Variants in HABP2 observed in about 807,000 individuals in gnomAD.
HABP2 encodes the protein factor VII-activating protease.
A neutral mutation model predicts 66.5 loss-of-function variants in HABP2; 65 were observed. That is an observed-to-expected ratio of 0.98 (90% confidence interval 0.80 to 1.20). HABP2 has a LOEUF of 1.20. Ranked by LOEUF, HABP2 falls within the 50% of genes most tolerant of loss-of-function variation. The pLI, the probability that HABP2 is intolerant of heterozygous loss-of-function variation, is 0.00. For synonymous variants in HABP2, 263 were observed against 253.9 expected, an observed-to-expected ratio of 1.04 and a Z score of -0.34; for missense variants, 786 against 691.0, an observed-to-expected ratio of 1.14 and a Z score of -1.54.
At chr10:113,561,338 C>A (rs571643641) in intron 1 of HABP2, among the ~76,000 whole-genome samples, 2 of 152,314 alleles carry the variant, frequency 1.3e-5, no homozygotes, top group East Asian at 3.9e-4. Context: ...TGGGCACTGG[C>A]AGCCACTGCC....
rs139113548 is a variant in HABP2, at chr10:113,581,431, A to G, written c.839-445A>G. Among the ~76,000 whole-genome samples, 18 of 152,252 alleles carry G rather than the reference A, an allele frequency of 1.2e-4. 2 individuals carry two copies. In the East Asian group the frequency reaches 3.3e-3, roughly 28 times the overall value. On this transcript the variant is annotated intron_variant, in intron 8 of 12. Transcript: ENST00000351270. ...TCTGTGCAAATGTCTTATCTCACCT[A>G]TTCTAGTTCATCTGAATATCCTCCC...
chr10:113,579,769 T>TG (rs966910205), intron 7 of HABP2, among the ~76,000 whole-genome samples: 1 of 151,972 alleles, frequency 6.6e-6, no homozygotes, highest in African/African-American at 2.4e-5. Flanking sequence ...TGTTTTTTTT[T>TG]TTTGTTTGTT....
Position 113,588,938 on chromosome 10 carries a change from TCCTCTCTGG to T in HABP2, c.*576_*584del. Reference sequence around the variant, plus strand: ...GAAGCCTGTCTCTGGTGAACAAACTTCCTCTCTGGCCTCTCAGGAATCAGGGTGGACATG... The same window carrying T: ...GAAGCCTGTCTCTGGTGAACAAACTTCCTCTCAGGAATCAGGGTGGACATG... On this transcript the variant is annotated 3_prime_UTR_variant, in exon 13 of 13. Transcript: ENST00000351270. 9 of 1,547,354 alleles carry T rather than the reference TCCTCTCTGG, an allele frequency of 5.8e-6. No homozygotes were observed. Among genetic ancestry groups the T allele is most frequent in the Non-Finnish European group, 8.0e-6 (9 of 1,121,518 alleles).
intron 11 of HABP2, among the ~76,000 whole-genome samples, chr10:113,585,068 C>A: frequency 6.6e-6 from 1 of 152,196 alleles, no homozygotes; most frequent in Non-Finnish European, 1.5e-5. Flanking sequence ...TGCAGAAATT[C>A]CACATATCTG....
At chr10:113,573,347 G>A (rs1193027147) in intron 2 of HABP2, among the ~76,000 whole-genome samples, 1 of 152,168 alleles carries the variant, frequency 6.6e-6, no homozygotes, top group Non-Finnish European at 1.5e-5. Flanking sequence ...TACAACTGTA[G>A]GCAAGATCCA....
At chr10:113,552,909 T>C (rs1026795246), upstream of HABP2, 5 of 487,504 alleles carry the variant, frequency 1.0e-5, no homozygotes, top group Non-Finnish European at 1.8e-5. Flanking sequence ...AACCACTTCA[T>C]GACTCAGCCC....
At chr10:113,563,651 G>C (rs192534259) in intron 1 of HABP2, among the ~76,000 whole-genome samples, 3 of 152,296 alleles carry the variant, frequency 2.0e-5, no homozygotes, top group African/African-American at 7.2e-5. Context: ...CCTGCTGGCT[G>C]TAGGCAGCAT....
chr10:113,578,683 ACAGTCAAC>A lies in HABP2; in HGVS notation c.629_636del (p.Val210AlafsTer24). The A allele has an allele frequency of 6.2e-7, 1 of 1,611,280 alleles. No individual in the cohort carries two copies. Among genetic ancestry groups the A allele is most frequent in the East Asian group, 2.2e-5 (1 of 44,852 alleles). ...CTCTTACCGAGGGAAAATGAATAGG[ACAGTCAAC>A]CAGCATGCGTGCCTTTACTGGAACT... On this transcript the variant is annotated frameshift_variant, in exon 7 of 13. Coordinates refer to ENST00000351270, the MANE Select transcript of HABP2 (RefSeq NM_004132.5). LOFTEE classifies it high-confidence loss of function.
chr10:113,564,845 T>C (rs11575650), intron 1 of HABP2, among the ~76,000 whole-genome samples: 24,008 of 144,806 alleles, frequency 0.17, 2,895 homozygotes, highest in African/African-American at 0.35. Flanking sequence ...ACCACGCATC[T>C]CTCTCTTTTG....
rs764756037 is a variant in HABP2, at chr10:113,553,251, G to A, written c.69+61G>A. 4 of 1,222,216 alleles carry A rather than the reference G, an allele frequency of 3.3e-6. No individual in the cohort carries two copies. The South Asian group carries it at 3.6e-5, about 11-fold the overall frequency. The allele number at this position is 1,222,216 out of a possible 1,614,324, so 75.7% of individuals were successfully genotyped here. A position where few individuals can be genotyped will look rare whatever the true frequency, so the allele number is the denominator to read the frequency against. ...CTCCGAAGTTTACTAGGAGGACCAA[G>A]CTAGGCTGGGAGTGATGAGAAACTT... On this transcript the variant is annotated intron_variant, in intron 1 of 12. Transcript: ENST00000351270.
intron 3 of HABP2, among the ~76,000 whole-genome samples, 183 bp from the exon 4 acceptor site, chr10:113,575,714 C>A (rs531673119): frequency 6.5e-4 from 99 of 152,318 alleles, no homozygotes; most frequent in African/African-American, 2.4e-3. Flanking sequence ...TCTCTCTGGT[C>A]AGGTGACTGC....
At position 113,576,356 on chromosome 10, in the gene HABP2, G is replaced by A. The variant is rs568287647; in HGVS notation, c.331+352G>A. On this transcript the variant is annotated intron_variant, in intron 4 of 12. Coordinates refer to ENST00000351270, the MANE Select transcript of HABP2 (RefSeq NM_004132.5). ...AATGGGAGAGCAGGGAGGATCTCAG[G>A]GCACATGAGACCCAACCCAGTTAGA... Among the ~76,000 whole-genome samples the A allele has an allele frequency of 2.6e-5, 4 of 152,260 alleles. No homozygotes were observed. The East Asian group carries it at 7.7e-4, about 29-fold the overall frequency.
At chr10:113,554,259 G>A (rs1844951434) in intron 1 of HABP2, among the ~76,000 whole-genome samples, 1 of 152,126 alleles carries the variant, frequency 6.6e-6, no homozygotes, top group African/African-American at 2.4e-5. Context: ...CGGGAGGGGT[G>A]GTAGAAAGTG....
intron 1 of HABP2, among the ~76,000 whole-genome samples, chr10:113,558,199 C>A (rs557848798): frequency 6.6e-6 from 1 of 152,346 alleles, no homozygotes; most frequent in South Asian, 2.1e-4. Context: ...CCACAAGGAT[C>A]GAGTCTTGCC....
At chr10:113,565,013 A>T (rs549597861) in intron 1 of HABP2, among the ~76,000 whole-genome samples, 17,339 of 152,010 alleles carry the variant, frequency 0.11, 1,128 homozygotes, top group African/African-American at 0.18. Flanking sequence ...CATCCAGCTA[A>T]TTTTTTGTAC....
At chr10:113,587,576 T>C (rs1008154326) in intron 12 of HABP2, among the ~76,000 whole-genome samples, 2 of 152,168 alleles carry the variant, frequency 1.3e-5, no homozygotes, top group African/African-American at 4.8e-5. Context: ...CTGTCAGTTG[T>C]AGTGTTTAAG....
intron 7 of HABP2, 43 bp downstream of exon 7, chr10:113,578,841 A>G (rs754356014): frequency 9.8e-6 from 13 of 1,322,120 alleles, no homozygotes; most frequent in Non-Finnish European, 1.3e-5. Flanking sequence ...TTGGTCACTT[A>G]TTTTAAAACA....
upstream of HABP2, among the ~76,000 whole-genome samples, chr10:113,552,646 G>A (rs933859193): frequency 6.6e-6 from 1 of 152,194 alleles, no homozygotes; most frequent in Non-Finnish European, 1.5e-5. Flanking sequence ...TATAAAGTGT[G>A]ATGTTATTAG....
chr10:113,571,354 C>T (rs535746351), intron 2 of HABP2, among the ~76,000 whole-genome samples: 1 of 152,328 alleles, frequency 6.6e-6, no homozygotes, highest in East Asian at 1.9e-4. Context: ...CACATGTTCT[C>T]ATTTGCTCTT....
Sources: allele counts gnomAD v4.1 joint callset (sites outside exome capture counted in the v4.1 genomes callset), GRCh38; gene constraint gnomAD v4.1.1; transcripts MANE v1.5; gene names NCBI Gene and HGNC (gene_info 2026-07-23, HGNC 2026-07-21).